The following NTRK3 variants were observed in gnomAD, a reference collection of about 807,000 sequenced individuals.
NTRK3 encodes NT-3 growth factor receptor.
A neutral mutation model predicts 91.7 loss-of-function variants in NTRK3; 24 were observed. That is an observed-to-expected ratio of 0.26 (90% CI 0.19 to 0.37). The LOEUF (loss-of-function observed/expected upper bound fraction) is 0.37, where lower values mean the gene tolerates loss of function less well. Among genes scored for constraint, NTRK3 ranks in the 10% least tolerant of loss-of-function variants. The pLI is 1.00. For synonymous variants in NTRK3, 483 were observed against 404.0 expected (o/e 1.20, Z -2.34); for missense variants, 880 against 1,068.9 (o/e 0.82, Z 2.46).
At chr15:87,998,050 A>G (rs1382042417) in intron 14 of NTRK3, among the ~76,000 whole-genome samples, 1 of 152,206 alleles carries the variant, frequency 6.6e-6, no homozygotes, top group East Asian at 1.9e-4. Flanking sequence ...TTTGGACCAG[A>G]TAATTCTTGG....
At chr15:88,056,168 C>G (rs1235557093) in intron 13 of NTRK3, among the ~76,000 whole-genome samples, 1 of 113,844 alleles carries the variant, frequency 8.8e-6, no homozygotes, top group Non-Finnish European at 1.8e-5. Context: ...CAAGCACAGA[C>G]TGTTTTCATA....
At chr15:88,179,987 C>T (rs1287293432) in intron 5 of NTRK3, among the ~76,000 whole-genome samples, 1 of 152,156 alleles carries the variant, frequency 6.6e-6, no homozygotes, top group African/African-American at 2.4e-5. Context: ...AAGAAGTGGT[C>T]AGAATACCCA....
exon 19 of NTRK3, chr15:87,876,833 G>A: frequency 1.5e-6 from 2 of 1,315,778 alleles, no homozygotes; most frequent in Non-Finnish European, 1.1e-6. Context: ...ATATGAAGAT[G>A]TTCGCTTCAG....
intron 14 of NTRK3, among the ~76,000 whole-genome samples, chr15:87,971,019 C>A (rs1046931791): frequency 6.6e-6 from 1 of 152,094 alleles, no homozygotes; most frequent in African/African-American, 2.4e-5. Context: ...ACTAGGTTGG[C>A]CATTTGGTAT....
intron 17 of NTRK3, chr15:87,925,441 GCACACACACA>G (rs61582719): frequency 2.8e-5 from 5 of 180,932 alleles, no homozygotes; most frequent in African/African-American, 7.3e-5. Context: ...ACACGTGTAT[GCACACACACA>G]CACACACACA....
intron 14 of NTRK3, chr15:87,978,149 C>T (rs1485179913): frequency 4.3e-6 from 1 of 230,426 alleles, no homozygotes; most frequent in Non-Finnish European, 8.6e-6. Flanking sequence ...TACAAATGTG[C>T]CTTTCCTACT....
At chr15:88,008,705 C>T (rs552291840) in intron 14 of NTRK3, among the ~76,000 whole-genome samples, 23 of 152,270 alleles carry the variant, frequency 1.5e-4, no homozygotes, top group Non-Finnish European at 2.5e-4. Flanking sequence ...AACCAGGGCT[C>T]GGCCCCCAGC....
In NTRK3 at chr15:88,184,210, G is replaced by C; in HGVS notation, c.323+15C>G. 6.2e-7 allele frequency: 1 copy of C among 1,613,740 alleles called. No homozygotes were observed. Among genetic ancestry groups the C allele is most frequent in the East Asian group, 2.2e-5 (1 of 44,858 alleles). On this transcript the variant is annotated intron_variant, in intron 4 of 18. Coordinates refer to ENST00000394480, the Ensembl canonical transcript of NTRK3. ...TTCCACAGGGAAAGGCCTCTCTGTG[G>C]CCGGGTGTACTCACAGCTTTTGAAG...
chr15:88,102,825 C>T (rs190560799), intron 13 of NTRK3, among the ~76,000 whole-genome samples: 87 of 152,210 alleles, frequency 5.7e-4, no homozygotes, highest in Admixed American at 1.2e-3. Context: ...TTCCAGAATC[C>T]GACCACCCTT....
At chr15:88,044,949 C>G (rs903449935) in intron 13 of NTRK3, among the ~76,000 whole-genome samples, 2 of 152,228 alleles carry the variant, frequency 1.3e-5, no homozygotes, top group African/African-American at 2.4e-5. Flanking sequence ...TGCGGGACCA[C>G]AGGCCCTACC....
chr15:87,941,598 G>A (rs546816458), intron 14 of NTRK3, among the ~76,000 whole-genome samples: 3 of 152,278 alleles, frequency 2.0e-5, no homozygotes, highest in Admixed American at 6.5e-5. Context: ...GATTATCTGG[G>A]GGAAACCCCT....
chr15:87,957,357 C>T (rs745882974), intron 14 of NTRK3, among the ~76,000 whole-genome samples: 7 of 151,766 alleles, frequency 4.6e-5, no homozygotes, highest in Admixed American at 1.3e-4. Flanking sequence ...AGTCCCACAG[C>T]GGGAGCATCT....
chr15:88,189,424 T>C (rs2047208174), intron 3 of NTRK3, among the ~76,000 whole-genome samples: 1 of 152,062 alleles, frequency 6.6e-6, no homozygotes, highest in Admixed American at 6.5e-5. Flanking sequence ...ATTCCTTTTT[T>C]TTTTTTCTTT....
At chr15:88,208,505 C>T (rs965416152) in intron 3 of NTRK3, among the ~76,000 whole-genome samples, 1 of 152,130 alleles carries the variant, frequency 6.6e-6, no homozygotes, top group East Asian at 1.9e-4. Flanking sequence ...CAAATTCTGA[C>T]TCATAGGTCA....
At chr15:87,915,990 A>G (rs2067422118) in intron 17 of NTRK3, among the ~76,000 whole-genome samples, 1 of 152,102 alleles carries the variant, frequency 6.6e-6, no homozygotes, top group African/African-American at 2.4e-5. Context: ...CCTACCTCCA[A>G]CTTTGCTCTT....
At chr15:87,873,218 C>G (rs924494658) in exon 19 of NTRK3, 2 of 231,438 alleles carry the variant, frequency 8.6e-6, no homozygotes, top group African/African-American at 4.4e-5. Flanking sequence ...ACCAAAGATC[C>G]TTTGCCTCAA....
At chr15:88,226,648 C>T in intron 3 of NTRK3, among the ~76,000 whole-genome samples, 1 of 152,260 alleles carries the variant, frequency 6.6e-6, no homozygotes, top group East Asian at 1.9e-4. Context: ...CATCTCTGGG[C>T]CGCACGGCCC....
intron 13 of NTRK3, among the ~76,000 whole-genome samples, chr15:88,093,580 A>T (rs1256256860): frequency 2.6e-5 from 4 of 152,168 alleles, no homozygotes; most frequent in Non-Finnish European, 5.9e-5. Flanking sequence ...TCTTCATCTC[A>T]AAGTCATGTT....
At chr15:87,875,722 T>G (rs1265868786) in exon 19 of NTRK3, 7 of 233,022 alleles carry the variant, frequency 3.0e-5, no homozygotes, top group East Asian at 1.8e-4. Flanking sequence ...CCCACTCCAC[T>G]GCTTGCTTTC....
Sources: gnomAD v4.1 joint callset for allele counts (sites outside exome capture counted in the v4.1 genomes callset) on GRCh38, gnomAD v4.1.1 for gene constraint, MANE v1.5 for transcripts, NCBI Gene and HGNC (gene_info 2026-07-23, HGNC 2026-07-21) for gene names.